The following KCNMA1 variants were observed in gnomAD, a reference collection of about 807,000 sequenced individuals.
The protein encoded by KCNMA1 is potassium calcium-activated channel subfamily M alpha 1.
Under a neutral mutation model 140.0 loss-of-function variants are expected in KCNMA1, and 29 were observed. That is an observed-to-expected ratio of 0.21 (90% CI 0.15 to 0.28). KCNMA1 has a LOEUF of 0.28. Among genes scored for constraint, KCNMA1 ranks in the 10% least tolerant of loss-of-function variants. KCNMA1 has a pLI of 1.00. For missense variants in KCNMA1, 880 were observed against 1,602.2 expected (o/e 0.55, Z 7.70); for synonymous variants, 612 against 611.9 (o/e 1.00, Z 0.00).
chr10:77,059,613 C>T (rs1055769993), intron 14 of KCNMA1, among the ~76,000 whole-genome samples: 1 of 152,058 alleles, frequency 6.6e-6, no homozygotes. Context: ...TGATCCTATA[C>T]ATTGATGCAG....
At chr10:76,990,443 G>C (rs533470208) in intron 19 of KCNMA1, among the ~76,000 whole-genome samples, 51 of 152,298 alleles carry the variant, frequency 3.3e-4, no homozygotes, top group African/African-American at 1.2e-3. Context: ...AACATAGAGA[G>C]GAGGAAATAC....
intron 9 of KCNMA1, among the ~76,000 whole-genome samples, chr10:77,101,812 C>T (rs1055069896): frequency 5.3e-5 from 8 of 152,128 alleles, no homozygotes; most frequent in African/African-American, 1.9e-4. Flanking sequence ...TAGCTGTTGC[C>T]CAAGACACAA....
intron 1 of KCNMA1, among the ~76,000 whole-genome samples, chr10:77,522,491 T>A (rs1262830228): frequency 6.6e-6 from 1 of 152,200 alleles, no homozygotes; most frequent in Non-Finnish European, 1.5e-5. Flanking sequence ...CATTTAAAGA[T>A]GCTAATTTAA....
chr10:76,910,764 G>A (rs763073870), intron 24 of KCNMA1: 100 of 158,324 alleles, frequency 6.3e-4, no homozygotes, highest in Non-Finnish European at 1.1e-3. Context: ...GAGTTGCATG[G>A]GGACGCCCAC....
intron 1 of KCNMA1, among the ~76,000 whole-genome samples, chr10:77,443,812 A>G (rs2097462031): frequency 6.6e-6 from 1 of 152,246 alleles, no homozygotes. Flanking sequence ...ATGAAAATAA[A>G]AATATCTTCT....
intron 1 of KCNMA1, among the ~76,000 whole-genome samples, chr10:77,613,788 G>A (rs748638828): frequency 6.6e-6 from 1 of 152,218 alleles, no homozygotes; most frequent in Non-Finnish European, 1.5e-5. Flanking sequence ...GCCTGACAGA[G>A]GCCCCTTCAG....
At chr10:77,584,691 C>G (rs1026811413) in intron 1 of KCNMA1, among the ~76,000 whole-genome samples, 1 of 152,162 alleles carries the variant, frequency 6.6e-6, no homozygotes, top group African/African-American at 2.4e-5. Context: ...AGAACATGCT[C>G]CCTGAAATCC....
chr10:77,624,772 C>T (rs548901999), intron 1 of KCNMA1, among the ~76,000 whole-genome samples: 6 of 152,094 alleles, frequency 3.9e-5, no homozygotes, highest in African/African-American at 1.4e-4. Flanking sequence ...AAATCCGGCG[C>T]TCCCTTAACT....
intron 1 of KCNMA1, among the ~76,000 whole-genome samples, chr10:77,413,576 A>T (rs1480624363): frequency 6.6e-6 from 1 of 152,068 alleles, no homozygotes; most frequent in Non-Finnish European, 1.5e-5. Context: ...TGGATGGAGG[A>T]GGTGGTTACT....
intron 14 of KCNMA1, among the ~76,000 whole-genome samples, chr10:77,041,608 T>C (rs1212156234): frequency 6.6e-6 from 1 of 152,132 alleles, no homozygotes; most frequent in Non-Finnish European, 1.5e-5. Flanking sequence ...CGGCTTACAA[T>C]GGAGTCAGTC....
chr10:77,532,639 A>C (rs148254386), intron 1 of KCNMA1, among the ~76,000 whole-genome samples: 143 of 152,364 alleles, frequency 9.4e-4, no homozygotes, highest in African/African-American at 3.2e-3. Context: ...TTTTTAAAGC[A>C]AAGTTAGGAT....
Position 77,037,249 on chromosome 10 carries a change from C to T in KCNMA1, c.1859+2279G>A, listed in dbSNP as rs532255646. On this transcript the variant is annotated intron_variant, in intron 15 of 27. Coordinates refer to ENST00000286628, the MANE Select transcript of KCNMA1 (RefSeq NM_001161352.2). ...CAGGGCCAGGCCTGGGATTTATGTG[C>T]AAATCTGGCCTGGTTTAAGATATCA... Among the ~76,000 whole-genome samples the T allele has an allele frequency of 2.0e-5, 3 of 152,250 alleles. No homozygotes were observed. In the South Asian group the frequency reaches 6.2e-4, roughly 32 times the overall value.
intron 3 of KCNMA1, among the ~76,000 whole-genome samples, chr10:77,207,455 C>T (rs2044515451): frequency 6.6e-6 from 1 of 152,156 alleles, no homozygotes. Context: ...CGTAGTAGTG[C>T]TACTAAGTAG....
intron 9 of KCNMA1, among the ~76,000 whole-genome samples, chr10:77,098,270 A>G (rs2096989394): frequency 1.3e-5 from 2 of 152,202 alleles, no homozygotes; most frequent in South Asian, 4.1e-4. Flanking sequence ...TTCTGTGGAC[A>G]GCACCTCATT....
downstream of KCNMA1, chr10:76,877,528 T>C (rs1402154598): frequency 4.9e-6 from 2 of 404,216 alleles, no homozygotes; most frequent in Non-Finnish European, 4.6e-6. Flanking sequence ...TATTTTAGTA[T>C]GTTCATTTAT....
At chr10:77,167,219 A>C (rs1477442871) in intron 5 of KCNMA1, among the ~76,000 whole-genome samples, 1 of 152,044 alleles carries the variant, frequency 6.6e-6, no homozygotes. Flanking sequence ...GAATGAGAAC[A>C]CGCAATATTT....
intron 1 of KCNMA1, among the ~76,000 whole-genome samples, chr10:77,546,661 G>A (rs1322558325): frequency 2.6e-5 from 4 of 152,240 alleles, no homozygotes; most frequent in African/African-American, 9.6e-5. Flanking sequence ...GAGAGGAAAG[G>A]ACAGACCGAC....
intron 2 of KCNMA1, among the ~76,000 whole-genome samples, chr10:77,252,894 A>C (rs2059955516): frequency 6.6e-6 from 1 of 151,994 alleles, no homozygotes; most frequent in Admixed American, 6.6e-5. Flanking sequence ...AAAAAAAACA[A>C]CTAAAACATG....
chr10:77,428,883 A>AGTG (rs1202714331), intron 1 of KCNMA1, among the ~76,000 whole-genome samples: 29 of 152,204 alleles, frequency 1.9e-4, no homozygotes, highest in Admixed American at 1.9e-3. Flanking sequence ...CCTGGCAGGC[A>AGTG]GTGGGTTTTG....
Sources: gnomAD v4.1 joint callset for allele counts (sites outside exome capture counted in the v4.1 genomes callset) on GRCh38, gnomAD v4.1.1 for gene constraint, MANE v1.5 for transcripts, NCBI Gene and HGNC (gene_info 2026-07-23, HGNC 2026-07-21) for gene names.